Variants in MGAT5 observed in about 807,000 individuals in gnomAD.
MGAT5 encodes alpha-1,6-mannosylglycoprotein 6-beta-N-acetylglucosaminyltransferase A.
MGAT5 carries 30 observed loss-of-function variants against 94.3 expected under a neutral mutation model. That is an observed-to-expected ratio of 0.32 (90% confidence interval 0.24 to 0.43). The LOEUF is 0.43. Among genes scored for constraint, MGAT5 ranks in the 20% least tolerant of loss-of-function variants. The pLI is 1.00. For missense variants in MGAT5, 691 were observed against 905.5 expected (o/e 0.76, Z 3.04); for synonymous variants, 310 against 322.9 (o/e 0.96, Z 0.43).
chr2:134,152,098 G>C (rs1214377376), intron 1 of MGAT5, among the ~76,000 whole-genome samples: 1 of 135,670 alleles, frequency 7.4e-6, no homozygotes, highest in Non-Finnish European at 1.6e-5. Flanking sequence ...ATCCCCTCTG[G>C]GACCCGCCCA....
intron 10 of MGAT5, among the ~76,000 whole-genome samples, chr2:134,376,810 G>A (rs1426448614): frequency 3.3e-5 from 5 of 152,090 alleles, no homozygotes; most frequent in East Asian, 3.9e-4. Flanking sequence ...GTAGGACCGT[G>A]ATCCAAGGAT....
At chr2:134,123,698 G>A (rs1169709654) in intron 1 of MGAT5, among the ~76,000 whole-genome samples, 1 of 152,174 alleles carries the variant, frequency 6.6e-6, no homozygotes. Flanking sequence ...TTTGGGGAAG[G>A]CTCCTGGTGT....
intron 2 of MGAT5, among the ~76,000 whole-genome samples, chr2:134,296,795 T>A (rs10164604): frequency 0.82 from 124,452 of 152,110 alleles, 51,475 homozygotes; most frequent in Non-Finnish European, 0.88. Context: ...TGCAGAAATT[T>A]AAAATAAATG....
intron 1 of MGAT5, among the ~76,000 whole-genome samples, chr2:134,260,237 G>A (rs1683235384): frequency 6.6e-6 from 1 of 152,238 alleles, no homozygotes; most frequent in Non-Finnish European, 1.5e-5. Flanking sequence ...GAAACCAGAT[G>A]TTGACCTCAC....
chr2:134,400,829 A>G (rs1276599938), intron 10 of MGAT5, among the ~76,000 whole-genome samples: 1 of 152,206 alleles, frequency 6.6e-6, no homozygotes, highest in African/African-American at 2.4e-5. Flanking sequence ...CTTTAAGGCC[A>G]GCAAGATGTC....
At chr2:134,317,507 T>C in intron 2 of MGAT5, 22 bp from the exon 3 acceptor site, 1 of 1,516,118 alleles carries the variant, frequency 6.6e-7, no homozygotes, top group Non-Finnish European at 8.9e-7. Flanking sequence ...TTGTATCCTT[T>C]GTTGTTTTTC....
At chr2:134,199,125 C>T (rs1679641008) in intron 1 of MGAT5, among the ~76,000 whole-genome samples, 1 of 152,192 alleles carries the variant, frequency 6.6e-6, no homozygotes, top group Non-Finnish European at 1.5e-5. Context: ...CATTAAACTC[C>T]ATTCTGGACT....
intron 1 of MGAT5, among the ~76,000 whole-genome samples, chr2:134,182,912 G>C (rs1417181756): frequency 2.1e-5 from 3 of 146,150 alleles, no homozygotes; most frequent in African/African-American, 5.0e-5. Context: ...TCAGCCTCCC[G>C]AGTAGCTGTG....
At chr2:134,442,204 G>A (rs1006540871) in intron 15 of MGAT5, among the ~76,000 whole-genome samples, 1 of 152,140 alleles carries the variant, frequency 6.6e-6, no homozygotes, top group Admixed American at 6.5e-5. Context: ...ATTGTGGGAG[G>A]TGTTCGGCTT....
chr2:134,361,204 T>G (rs949153763), intron 9 of MGAT5, among the ~76,000 whole-genome samples: 1 of 152,224 alleles, frequency 6.6e-6, no homozygotes, highest in African/African-American at 2.4e-5. Flanking sequence ...CTCTGTTTGT[T>G]GACCACCTAT....
intron 1 of MGAT5, among the ~76,000 whole-genome samples, chr2:134,217,238 G>GGTGT (rs35795776): frequency 0.05 from 7,288 of 145,156 alleles, 221 homozygotes; most frequent in Middle Eastern, 0.097. Context: ...GAGAGAGAGT[G>GGTGT]GTGTGTGTGT....
chr2:134,344,924 C>T lies in MGAT5; in HGVS notation c.978-6C>T, dbSNP rs1341415526. The T allele has an allele frequency of 1.2e-6, 2 of 1,612,258 alleles. No homozygotes were observed. The highest frequency in any genetic ancestry group is 1.7e-6 in the Non-Finnish European group (2 of 1,178,988). On this transcript the variant is annotated splice_region_variant and splice_polypyrimidine_tract_variant and intron_variant, in intron 7 of 15. Transcript: ENST00000281923. ...TTTTCTCCCCTCTCTTTTGCCGTTT[C>T]TCTAGAATCATGAAGAAGGTTGTAG...
chr2:134,216,082 A>G (rs1274259216), intron 1 of MGAT5, among the ~76,000 whole-genome samples: 1 of 152,024 alleles, frequency 6.6e-6, no homozygotes, highest in East Asian at 1.9e-4. Context: ...AGATTCCATC[A>G]TCTCTCAGTG....
chr2:134,279,994 C>T lies in MGAT5; in HGVS notation c.406+9444C>T, dbSNP rs549878652. On this transcript the variant is annotated intron_variant, in intron 2 of 15. Transcript: ENST00000281923. ...TTGGTGAGACATGGAAGAGAGGTAT[C>T]TGACTCCATGTTTTTGAAAAGGTTT... Among the ~76,000 whole-genome samples, 6 of 152,244 alleles carry T rather than the reference C, an allele frequency of 3.9e-5. No individual in the cohort carries two copies. In the South Asian group the frequency reaches 8.3e-4, roughly 21 times the overall value.
At chr2:134,408,557 C>T (rs972726813) in intron 11 of MGAT5, among the ~76,000 whole-genome samples, 5 of 152,174 alleles carry the variant, frequency 3.3e-5, no homozygotes, top group Non-Finnish European at 5.9e-5. Context: ...TGTAAACATG[C>T]TTGGTGAGTC....
At chr2:134,384,207 G>A (rs1330706125) in intron 10 of MGAT5, among the ~76,000 whole-genome samples, 7 of 63,364 alleles carry the variant, frequency 1.1e-4, no homozygotes, top group South Asian at 9.8e-4. Flanking sequence ...TTTATTATCC[G>A]GCCCTTGAAA....
Position 134,295,322 on chromosome 2 carries a change from T to C in MGAT5, c.407-22207T>C, listed in dbSNP as rs140983847. Among the ~76,000 whole-genome samples the C allele has an allele frequency of 4.6e-3, 705 of 152,192 alleles. 8 individuals carry two copies. Among genetic ancestry groups the C allele is most frequent in the African/African-American group, 0.016 (649 of 41,536 alleles). Reference sequence around the variant, plus strand: ...TGGATTGTGCTAGAAGTGACTAAGGTTGGCAGTGGAATTGGGAGCTTAGTA... The same window carrying C: ...TGGATTGTGCTAGAAGTGACTAAGGCTGGCAGTGGAATTGGGAGCTTAGTA... On this transcript the variant is annotated intron_variant, in intron 2 of 15. Transcript: ENST00000281923.
intron 10 of MGAT5, among the ~76,000 whole-genome samples, chr2:134,363,511 G>C (rs576372123): frequency 1.3e-5 from 2 of 152,182 alleles, no homozygotes; most frequent in Non-Finnish European, 2.9e-5. Flanking sequence ...AACTGCAGAC[G>C]ATTTTATTTA....
At chr2:134,203,760 A>T (rs1237418251) in intron 1 of MGAT5, among the ~76,000 whole-genome samples, 2 of 152,148 alleles carry the variant, frequency 1.3e-5, no homozygotes, top group African/African-American at 4.8e-5. Flanking sequence ...TGTGTCCAGG[A>T]TGAATTGTAT....
Sources: allele counts gnomAD v4.1 joint callset (sites outside exome capture counted in the v4.1 genomes callset), GRCh38; gene constraint gnomAD v4.1.1; transcripts MANE v1.5; gene names NCBI Gene and HGNC (gene_info 2026-07-23, HGNC 2026-07-21).